SLC8A1: variants seen among roughly 807,000 people sequenced by gnomAD.
SLC8A1 encodes sodium/calcium exchanger 1.
SLC8A1 carries 18 observed loss-of-function variants against 68.3 expected under a neutral mutation model. The ratio of observed to expected loss-of-function variants is 0.26; its 90% CI spans 0.18 to 0.39. The LOEUF (loss-of-function observed/expected upper bound fraction) is 0.39. SLC8A1 is among the 10% of genes least tolerant of loss of function. The probability of loss-of-function intolerance (pLI) is 1.00; values close to 1 mark genes in which losing one functional copy is unlikely to be tolerated. For synonymous variants in SLC8A1, 475 were observed against 415.5 expected, an observed-to-expected ratio of 1.14 and a Z score of -1.74; for missense variants, 985 against 1,156.7, an observed-to-expected ratio of 0.85 and a Z score of 2.15.
chr2:40,176,088 C>G (rs756785992), intron 3 of SLC8A1: 41 of 310,616 alleles, frequency 1.3e-4, no homozygotes, highest in Non-Finnish European at 2.3e-4. Context: ...CCAGAATGTA[C>G]TGTAGCACTT....
intron 2 of SLC8A1, among the ~76,000 whole-genome samples, chr2:40,200,023 C>T (rs924285270): frequency 6.8e-6 from 1 of 147,138 alleles, no homozygotes; most frequent in Non-Finnish European, 1.5e-5. Context: ...CCTTTGTATA[C>T]TGTTATGAGG....
intron 2 of SLC8A1, among the ~76,000 whole-genome samples, chr2:40,330,925 G>A (rs529768688): frequency 7.2e-5 from 11 of 152,234 alleles, no homozygotes; most frequent in Non-Finnish European, 1.3e-4. Flanking sequence ...CGAGTTACCT[G>A]CAAACCAGAG....
intron 2 of SLC8A1, among the ~76,000 whole-genome samples, chr2:40,194,523 C>T (rs115875107): frequency 0.025 from 3,474 of 139,836 alleles, 161 homozygotes; most frequent in African/African-American, 0.088. Flanking sequence ...GCAAAGAAAA[C>T]GAGAGGGAGA....
intron 7 of SLC8A1, among the ~76,000 whole-genome samples, chr2:40,118,851 T>C (rs2036147035): frequency 6.6e-6 from 1 of 151,980 alleles, no homozygotes; most frequent in South Asian, 2.1e-4. Flanking sequence ...GGTGACCTGG[T>C]GCTGTTCCAT....
intron 2 of SLC8A1, among the ~76,000 whole-genome samples, chr2:40,247,369 G>C (rs111404403): frequency 0.014 from 2,196 of 152,248 alleles, 59 homozygotes; most frequent in African/African-American, 0.05. Flanking sequence ...CCACGTGTTT[G>C]AGAAGGATTA....
At chr2:40,144,886 T>G (rs1251211407) in intron 6 of SLC8A1, among the ~76,000 whole-genome samples, 1 of 152,200 alleles carries the variant, frequency 6.6e-6, no homozygotes, top group African/African-American at 2.4e-5. Context: ...GGGAGGCAAA[T>G]TAACATCTAT....
At chr2:40,425,703 G>C (rs182561241) in intron 2 of SLC8A1, among the ~76,000 whole-genome samples, 208 of 151,812 alleles carry the variant, frequency 1.4e-3, no homozygotes, top group African/African-American at 4.5e-3. Context: ...AGATAAGTTG[G>C]GTTTAATCTA....
chr2:40,488,076 A>G (rs1333093635), intron 1 of SLC8A1, among the ~76,000 whole-genome samples: 1 of 152,100 alleles, frequency 6.6e-6, no homozygotes, highest in African/African-American at 2.4e-5. Context: ...GTATCTGAGT[A>G]AAAGTTTACC....
chr2:40,428,790 A>G (rs765250335), exon 2 of SLC8A1: 12 of 1,613,718 alleles, frequency 7.4e-6, no homozygotes, highest in Admixed American at 5.0e-5. Context: ...ATACTTTGAC[A>G]TTGCTGAGAT....
At chr2:40,451,254 A>C (rs1702427453) in intron 1 of SLC8A1, among the ~76,000 whole-genome samples, 1 of 152,156 alleles carries the variant, frequency 6.6e-6, no homozygotes, top group Non-Finnish European at 1.5e-5. Flanking sequence ...CTGTGTGTGC[A>C]GAATCCCCAA....
chr2:40,255,994 A>G (rs891040833), intron 2 of SLC8A1, among the ~76,000 whole-genome samples: 6 of 152,234 alleles, frequency 3.9e-5, no homozygotes. Flanking sequence ...TCTGCAAACT[A>G]GAAGAGCAAT....
intron 2 of SLC8A1, among the ~76,000 whole-genome samples, chr2:40,265,202 TA>T (rs1334728441): frequency 6.6e-6 from 1 of 152,178 alleles, no homozygotes; most frequent in Non-Finnish European, 1.5e-5. Context: ...GAGTAAGAAA[TA>T]GATCTTTATT....
intron 2 of SLC8A1, among the ~76,000 whole-genome samples, chr2:40,208,741 A>G (rs897896350): frequency 6.6e-6 from 1 of 152,140 alleles, no homozygotes; most frequent in African/African-American, 2.4e-5. Flanking sequence ...CACAATGCAA[A>G]GCAAACAAGA....
At chr2:40,335,478 G>C (rs904044987) in intron 2 of SLC8A1, among the ~76,000 whole-genome samples, 1 of 152,174 alleles carries the variant, frequency 6.6e-6, no homozygotes, top group Non-Finnish European at 1.5e-5. Flanking sequence ...TTAAAACTGT[G>C]AATACTGTGT....
chr2:40,384,436 A>T (rs1169181138), intron 2 of SLC8A1, among the ~76,000 whole-genome samples: 2 of 152,086 alleles, frequency 1.3e-5, no homozygotes, highest in Non-Finnish European at 2.9e-5. Context: ...TTGCATCATG[A>T]ATCATGGGTA....
chr2:40,226,282 A>T (rs1308022014), intron 2 of SLC8A1, among the ~76,000 whole-genome samples: 1 of 152,150 alleles, frequency 6.6e-6, no homozygotes, highest in African/African-American at 2.4e-5. Flanking sequence ...CTCTGTAATT[A>T]CATAATGATC....
intron 2 of SLC8A1, among the ~76,000 whole-genome samples, chr2:40,309,176 T>A (rs1355869695): frequency 6.6e-6 from 1 of 152,200 alleles, no homozygotes; most frequent in African/African-American, 2.4e-5. Context: ...TGACAGTGCT[T>A]TAGGTAAATT....
At chr2:40,414,589 C>T (rs953037912) in intron 2 of SLC8A1, among the ~76,000 whole-genome samples, 1 of 152,138 alleles carries the variant, frequency 6.6e-6, no homozygotes, top group Non-Finnish European at 1.5e-5. Flanking sequence ...CATTATCTAT[C>T]ACTTAACTAA....
intron 2 of SLC8A1, among the ~76,000 whole-genome samples, chr2:40,247,003 A>G (rs1034031539): frequency 1.3e-5 from 2 of 152,188 alleles, no homozygotes; most frequent in Non-Finnish European, 2.9e-5. Context: ...ACATGTTAAG[A>G]AACTTAATAT....
Sources: gnomAD v4.1 joint callset for allele counts (sites outside exome capture counted in the v4.1 genomes callset) on GRCh38, gnomAD v4.1.1 for gene constraint, MANE v1.5 for transcripts, NCBI Gene and HGNC (gene_info 2026-07-23, HGNC 2026-07-21) for gene names.